HNRNPLL: variants seen among roughly 807,000 people sequenced by gnomAD.
HNRNPLL encodes heterogeneous nuclear ribonucleoprotein L-like.
A neutral mutation model predicts 67.1 loss-of-function variants in HNRNPLL; 25 were observed. The ratio of observed to expected loss-of-function variants is 0.37; its 90% confidence interval spans 0.27 to 0.52. The LOEUF (loss-of-function observed/expected upper bound fraction) is 0.52, where lower values mean the gene tolerates loss of function less well. HNRNPLL is among the 20% of genes least tolerant of loss of function. HNRNPLL has a pLI of 0.90. For synonymous variants in HNRNPLL, 267 were observed against 241.7 expected (o/e 1.10, Z -0.97); for missense variants, 542 against 673.9 (o/e 0.80, Z 2.17).
chr2:38,564,580 C>G (rs1378642532), intron 12 of HNRNPLL, among the ~76,000 whole-genome samples: 1 of 135,004 alleles, frequency 7.4e-6, no homozygotes, highest in African/African-American at 2.9e-5. Context: ...AGATTGTGCA[C>G]TCTAGCCTGG....
Position 38,597,683 on chromosome 2 carries a change from C to G in HNRNPLL, c.189+4755G>C, listed in dbSNP as rs115042615. ...AATTATGGCCATATGAGTCAAGTAA[C>G]TTTTTTTATTTTTTTTTTTTTTTGA... On this transcript the variant is annotated intron_variant, in intron 1 of 12. Coordinates refer to ENST00000449105, the MANE Select transcript of HNRNPLL (RefSeq NM_138394.4). Among the ~76,000 whole-genome samples, 1,324 of 147,794 alleles carry G rather than the reference C, an allele frequency of 9.0e-3. 20 individuals are homozygous for G. Among genetic ancestry groups the G allele is most frequent in the African/African-American group, 0.031 (1,256 of 40,934 alleles).
chr2:38,602,240 A>C, intron 1 of HNRNPLL, 198 bp downstream of exon 1: 7 of 537,214 alleles, frequency 1.3e-5, no homozygotes, highest in Non-Finnish European at 1.6e-5. Context: ...TGCGGCCAGG[A>C]CGGCGCCGGG....
intron 6 of HNRNPLL, among the ~76,000 whole-genome samples, chr2:38,578,484 T>C (rs1376378125): frequency 6.6e-6 from 1 of 152,036 alleles, no homozygotes; most frequent in African/African-American, 2.4e-5. Flanking sequence ...TCCTTGAAAA[T>C]TCAGAGAGCC....
At position 38,602,531 on chromosome 2, in the gene HNRNPLL, G is replaced by A. The variant is rs747433177; in HGVS notation, c.96C>T (p.Ile32=). The change falls in exon 1 of 13, where the codon ATC becomes ATT. Residue 32 remains isoleucine (I), a synonymous_variant. Coordinates refer to ENST00000449105, the MANE Select transcript of HNRNPLL (RefSeq NM_138394.4). ...TCTCGCCTTCCTCGGCCGAGTAGTC[G>A]ATCTCCCCCTCCTCGGTCTTGAGAC... ...AKRLKTEEGE[I]DYSAEEGENR... The A allele has an allele frequency of 7.1e-6, 11 of 1,557,062 alleles. No individual in the cohort carries two copies. The highest frequency in any genetic ancestry group is 1.4e-5 in the African/African-American group (1 of 73,738).
At chr2:38,576,943 GC>G (rs1666321769) in intron 7 of HNRNPLL, among the ~76,000 whole-genome samples, 1 of 151,730 alleles carries the variant, frequency 6.6e-6, no homozygotes, top group Admixed American at 6.6e-5. Context: ...TATCAACATA[GC>G]AAAAAGTAAA....
chr2:38,569,127 G>A lies in HNRNPLL; in HGVS notation c.1416+6C>T. The A allele has an allele frequency of 6.4e-7, 1 of 1,566,088 alleles. No homozygotes were observed. Among genetic ancestry groups the A allele is most frequent in the Non-Finnish European group, 8.8e-7 (1 of 1,136,352 alleles). On this transcript the variant is annotated splice_donor_region_variant and intron_variant, in intron 10 of 12. Transcript: ENST00000449105. ...ATTCTATACACATTTGTATTTCAGT[G>A]CCTACCTTTGTGAAGGTCTCTTCTG...
Position 38,590,618 on chromosome 2 carries a change from A to C in HNRNPLL, c.308+912T>G, listed in dbSNP as rs1036554953. ...CACTTTTCTAATTATGTTTTCACTT[A>C]AGTTAATATTCTTAAGTATACAGCA... On this transcript the variant is annotated intron_variant, in intron 2 of 12. Transcript: ENST00000449105. Among the ~76,000 whole-genome samples, 6 of 152,344 alleles carry C rather than the reference A, an allele frequency of 3.9e-5. No homozygotes were observed. The East Asian group carries it at 5.8e-4, about 15-fold the overall frequency.
At chr2:38,576,647 T>C (rs537769437) in intron 7 of HNRNPLL, among the ~76,000 whole-genome samples, 12 of 151,916 alleles carry the variant, frequency 7.9e-5, no homozygotes, top group South Asian at 2.1e-4. Flanking sequence ...AGTAAGTATG[T>C]AGGCAATTTG....
rs1169873884 is a variant in HNRNPLL at position 38,602,870 on chromosome 2, A to G, written c.-244T>C. On this transcript the variant is annotated 5_prime_UTR_variant, in exon 1 of 13. Transcript: ENST00000449105. ...CCTCTCAATTACCGAGCCAACATTC[A>G]GCCTCTCCCTCCTCCTCCTCCGTCT... 35 of 1,549,132 alleles carry G rather than the reference A, an allele frequency of 2.3e-5. No homozygotes were observed. The East Asian group carries it at 8.6e-4, about 38-fold the overall frequency.
intron 1 of HNRNPLL, among the ~76,000 whole-genome samples, chr2:38,593,991 G>A (rs1004191578): frequency 2.6e-5 from 4 of 152,124 alleles, no homozygotes; most frequent in Non-Finnish European, 5.9e-5. Flanking sequence ...TGGCTAACAC[G>A]GTGAAACCCC....
At chr2:38,591,674 T>A in intron 1 of HNRNPLL, 26 bp from the exon 2 acceptor site, 1 of 1,531,430 alleles carries the variant, frequency 6.5e-7, no homozygotes. Flanking sequence ...AATTTCTAGT[T>A]AAAAAAATTT....
At chr2:38,588,929 TG>T (rs1558542056) in intron 2 of HNRNPLL, among the ~76,000 whole-genome samples, 1 of 152,118 alleles carries the variant, frequency 6.6e-6, no homozygotes, top group African/African-American at 2.4e-5. Flanking sequence ...CTAAGGGACA[TG>T]GTAGGATCAA....
At chr2:38,598,895 T>C (rs1470389074) in intron 1 of HNRNPLL, among the ~76,000 whole-genome samples, 1 of 152,212 alleles carries the variant, frequency 6.6e-6, no homozygotes, top group African/African-American at 2.4e-5. Context: ...CACAAGACAC[T>C]ACTGCTATGC....
At chr2:38,568,591 G>A in intron 10 of HNRNPLL, 148 bp from the exon 11 acceptor site, 1 of 587,840 alleles carries the variant, frequency 1.7e-6, no homozygotes, top group Non-Finnish European at 3.0e-6. Flanking sequence ...ATATCAAGCT[G>A]TATGAAAAAA....
intron 12 of HNRNPLL, among the ~76,000 whole-genome samples, chr2:38,564,725 C>A (rs75972175): frequency 6.6e-6 from 1 of 151,690 alleles, no homozygotes; most frequent in Non-Finnish European, 1.5e-5. Flanking sequence ...TGTTCACTGC[C>A]ACATTTCTAT....
intron 12 of HNRNPLL, chr2:38,565,997 T>TCATCAC: frequency 3.1e-6 from 3 of 962,880 alleles, no homozygotes; most frequent in Non-Finnish European, 3.7e-6. Flanking sequence ...AAACCATCAT[T>TCATCAC]CATCACCACA....
At chr2:38,595,272 TAAAAAAAAAAAAAA>T (rs70954734) in intron 1 of HNRNPLL, among the ~76,000 whole-genome samples, 4 of 68,778 alleles carry the variant, frequency 5.8e-5, no homozygotes, top group African/African-American at 2.0e-4. Context: ...AGACCTTGTC[TAAAAAAAAAAAAAA>T]AAAAAAAAAA....
intron 1 of HNRNPLL, chr2:38,601,557 T>C (rs1667434768): frequency 6.6e-6 from 1 of 152,212 alleles, no homozygotes; most frequent in Non-Finnish European, 1.5e-5. Flanking sequence ...AAAGTCTCCA[T>C]CCAACTGAAG....
chr2:38,570,095 T>C (rs962196487), intron 8 of HNRNPLL, among the ~76,000 whole-genome samples, 170 bp from the exon 9 acceptor site: 1 of 152,180 alleles, frequency 6.6e-6, no homozygotes, highest in Admixed American at 6.5e-5. Flanking sequence ...CAAAGTTCAA[T>C]AGTTAAAAAG....
Sources: allele counts gnomAD v4.1 joint callset (sites outside exome capture counted in the v4.1 genomes callset), GRCh38; gene constraint gnomAD v4.1.1; transcripts MANE v1.5; gene names NCBI Gene and HGNC (gene_info 2026-07-23, HGNC 2026-07-21).